Variants in SRGAP1 observed in about 807,000 individuals in gnomAD.
SRGAP1 encodes the protein SLIT-ROBO Rho GTPase activating protein 1.
Under a neutral mutation model 121.9 loss-of-function variants are expected in SRGAP1, and 43 were observed. The ratio of observed to expected loss-of-function variants is 0.35; its 90% confidence interval spans 0.28 to 0.46. The LOEUF (loss-of-function observed/expected upper bound fraction) is 0.46, where lower values mean the gene tolerates loss of function less well. SRGAP1 is among the 20% of genes least tolerant of loss of function. The probability of loss-of-function intolerance (pLI) is 1.00; values close to 1 mark genes in which losing one functional copy is unlikely to be tolerated. For synonymous variants in SRGAP1, 447 were observed against 485.4 expected (o/e 0.92, Z 1.04); for missense variants, 1,102 against 1,350.9 (o/e 0.82, Z 2.89).
intron 1 of SRGAP1, among the ~76,000 whole-genome samples, chr12:63,853,322 A>G (rs891834257): frequency 6.6e-6 from 1 of 152,054 alleles, no homozygotes; most frequent in African/African-American, 2.4e-5. Context: ...CACCCGGCCT[A>G]TTACCACAAA....
At chr12:64,092,405 T>C (rs1038831253) in intron 12 of SRGAP1, among the ~76,000 whole-genome samples, 1 of 152,160 alleles carries the variant, frequency 6.6e-6, no homozygotes, top group African/African-American at 2.4e-5. Flanking sequence ...GGTCTGTTTA[T>C]TGAATATGTG....
chr12:64,015,852 T>C (rs1376457812), intron 3 of SRGAP1, among the ~76,000 whole-genome samples: 2 of 152,240 alleles, frequency 1.3e-5, no homozygotes, highest in Non-Finnish European at 2.9e-5. Flanking sequence ...TAGATTAAGC[T>C]ATGCTACACA....
At chr12:64,106,448 G>A (rs2036347022) in intron 15 of SRGAP1, among the ~76,000 whole-genome samples, 1 of 152,142 alleles carries the variant, frequency 6.6e-6, no homozygotes, top group Non-Finnish European at 1.5e-5. Flanking sequence ...TAATAATGCA[G>A]CTGTGTTGAA....
chr12:64,085,337 A>G, intron 10 of SRGAP1, among the ~76,000 whole-genome samples: 1 of 152,186 alleles, frequency 6.6e-6, no homozygotes, highest in East Asian at 1.9e-4. Context: ...TGTTGTTACT[A>G]ATATATATTG....
At chr12:63,993,063 C>T (rs2033597998) in intron 3 of SRGAP1, among the ~76,000 whole-genome samples, 1 of 152,146 alleles carries the variant, frequency 6.6e-6, no homozygotes, top group South Asian at 2.1e-4. Flanking sequence ...AGGCAAAGGA[C>T]ACAGGGAGAA....
chr12:64,074,992 A>G (rs1239356415), intron 8 of SRGAP1, among the ~76,000 whole-genome samples: 1 of 151,636 alleles, frequency 6.6e-6, no homozygotes, highest in Non-Finnish European at 1.5e-5. Flanking sequence ...TGTCATTACC[A>G]GAGCCACATT....
At chr12:63,923,359 A>G (rs1191737607) in intron 1 of SRGAP1, among the ~76,000 whole-genome samples, 1 of 152,212 alleles carries the variant, frequency 6.6e-6, no homozygotes, top group Non-Finnish European at 1.5e-5. Context: ...AACATCTTTT[A>G]TAAAGGCTTC....
At chr12:64,133,299 A>G (rs1363085820) in intron 21 of SRGAP1, among the ~76,000 whole-genome samples, 3 of 152,180 alleles carry the variant, frequency 2.0e-5, no homozygotes, top group African/African-American at 7.2e-5. Flanking sequence ...TCCAGAGCCA[A>G]TGTGGGGGTT....
intron 1 of SRGAP1, among the ~76,000 whole-genome samples, chr12:63,935,622 A>G (rs61933136): frequency 0.03 from 4,640 of 152,334 alleles, 113 homozygotes; most frequent in Middle Eastern, 0.068. Context: ...TAACACTTAC[A>G]GAAAACAGTA....
At chr12:64,062,033 T>TTAGA (rs34810526) in intron 6 of SRGAP1, among the ~76,000 whole-genome samples, 149,280 of 152,190 alleles carry the variant, frequency 0.98, 73,287 homozygotes, top group Middle Eastern at 1. Flanking sequence ...TTCATTTCTC[T>TTAGA]TATATATCTA....
At chr12:64,065,980 A>C (rs2035532939) in intron 8 of SRGAP1, among the ~76,000 whole-genome samples, 1 of 152,224 alleles carries the variant, frequency 6.6e-6, no homozygotes, top group South Asian at 2.1e-4. Flanking sequence ...CCTATTTCTG[A>C]AATTAACTTA....
chr12:64,069,933 C>A (rs1343587141), intron 8 of SRGAP1, among the ~76,000 whole-genome samples: 1 of 152,190 alleles, frequency 6.6e-6, no homozygotes, highest in African/African-American at 2.4e-5. Flanking sequence ...GAGACAGGGT[C>A]TCCCTGTGTT....
intron 3 of SRGAP1, among the ~76,000 whole-genome samples, chr12:63,992,922 G>A (rs2033594907): frequency 6.6e-6 from 1 of 152,108 alleles, no homozygotes; most frequent in Non-Finnish European, 1.5e-5. Flanking sequence ...CCTAACCATT[G>A]CTGACCACCT....
At chr12:63,886,854 C>A (rs780864777) in intron 1 of SRGAP1, among the ~76,000 whole-genome samples, 1 of 151,904 alleles carries the variant, frequency 6.6e-6, no homozygotes. Flanking sequence ...AAGCAAAGAC[C>A]CCCTCCAGAG....
chr12:64,055,613 G>A (rs1341183671), intron 6 of SRGAP1, among the ~76,000 whole-genome samples: 3 of 151,672 alleles, frequency 2.0e-5, no homozygotes, highest in East Asian at 3.9e-4. Flanking sequence ...ATACTACAAG[G>A]CTACAGTAAC....
intron 3 of SRGAP1, among the ~76,000 whole-genome samples, chr12:64,005,626 A>G (rs1486701905): frequency 6.6e-6 from 1 of 152,108 alleles, no homozygotes; most frequent in Middle Eastern, 3.2e-3. Context: ...AGCCTAGGAG[A>G]CAGAGCAAGA....
At position 63,900,204 on chromosome 12, in the gene SRGAP1, C is replaced by CTTTTTTTTTTTTTTTTTTT. The variant is rs67622101; in HGVS notation, c.67+55322_67+55340dup. Among the ~76,000 whole-genome samples the CTTTTTTTTTTTTTTTTTTT allele has an allele frequency of 2.3e-5, 2 of 87,524 alleles. 1 individual carries two copies. The highest frequency in any genetic ancestry group is 4.7e-5 in the Non-Finnish European group (2 of 42,914). The allele number at this position is 87,524 out of a possible 152,430, so 57.4% of individuals were successfully genotyped here. On this transcript the variant is annotated intron_variant, in intron 1 of 21. Transcript: ENST00000355086. ...CTTTTTTCTTTTTCTTTTTCTTTTT[C>CTTTTTTTTTTTTTTTTTTT]TTTTTTTTTTTTTTTTTTTGAGGTG...
chr12:63,951,523 C>G (rs1363024205), intron 1 of SRGAP1, among the ~76,000 whole-genome samples: 2 of 152,162 alleles, frequency 1.3e-5, no homozygotes, highest in Non-Finnish European at 2.9e-5. Flanking sequence ...AGAATGTGTT[C>G]CAGCAGCCAC....
At chr12:63,888,946 C>T (rs1900483549) in intron 1 of SRGAP1, among the ~76,000 whole-genome samples, 1 of 152,178 alleles carries the variant, frequency 6.6e-6, no homozygotes, top group Admixed American at 6.5e-5. Flanking sequence ...CCAGAATGGA[C>T]CATGAGTGGA....
Sources: gnomAD v4.1 joint callset for allele counts (sites outside exome capture counted in the v4.1 genomes callset) on GRCh38, gnomAD v4.1.1 for gene constraint, MANE v1.5 for transcripts, NCBI Gene and HGNC (gene_info 2026-07-23, HGNC 2026-07-21) for gene names.